The following KY variants were observed in gnomAD, a reference collection of about 807,000 sequenced individuals.
KY encodes the protein kyphoscoliosis peptidase.
Under a neutral mutation model 76.1 loss-of-function variants are expected in KY, and 43 were observed. The ratio of observed to expected loss-of-function variants is 0.57; its 90% CI spans 0.44 to 0.73. KY has a LOEUF of 0.73. KY is among the 30% of genes least tolerant of loss of function. The probability of loss-of-function intolerance (pLI) is 0.00; values close to 1 mark genes in which losing one functional copy is unlikely to be tolerated. For synonymous variants in KY, 277 were observed against 326.2 expected (o/e 0.85, Z 1.63); for missense variants, 722 against 828.9 (o/e 0.87, Z 1.58).
intron 1 of KY, among the ~76,000 whole-genome samples, chr3:134,649,466 T>C (rs1966824756): frequency 6.6e-6 from 1 of 152,234 alleles, no homozygotes; most frequent in South Asian, 2.1e-4. Context: ...GGAGAAGGCA[T>C]TCTGGACTGT....
intron 10 of KY, among the ~76,000 whole-genome samples, chr3:134,605,882 G>T (rs901964200): frequency 6.6e-6 from 1 of 152,134 alleles, no homozygotes; most frequent in Admixed American, 6.6e-5. Context: ...TCTGAGCACT[G>T]CTTAACTCCA....
chr3:134,609,979 G>T (rs756053908), intron 9 of KY, among the ~76,000 whole-genome samples: 1 of 152,156 alleles, frequency 6.6e-6, no homozygotes, highest in Non-Finnish European at 1.5e-5. Context: ...AGTCAGAGTG[G>T]GGAGTTTGTC....
At chr3:134,622,936 G>T (rs1962888754) in intron 6 of KY, among the ~76,000 whole-genome samples, 1 of 152,160 alleles carries the variant, frequency 6.6e-6, no homozygotes, top group African/African-American at 2.4e-5. Context: ...CACTGGCCCA[G>T]CACACTGGCA....
intron 2 of KY, 44 bp from the exon 3 acceptor site, chr3:134,643,422 T>A: frequency 1.9e-6 from 3 of 1,552,302 alleles, no homozygotes; most frequent in Non-Finnish European, 2.7e-6. Context: ...CACTGGGGAA[T>A]TTTCCCCAGG....
chr3:134,607,097 A>G (rs983377408), intron 10 of KY: 8 of 985,290 alleles, frequency 8.1e-6, no homozygotes, highest in Admixed American at 6.2e-5. Context: ...ACTCCACTCA[A>G]TGACATCAGT....
At chr3:134,633,380 A>G (rs1051000713) in intron 3 of KY, among the ~76,000 whole-genome samples, 2 of 152,096 alleles carry the variant, frequency 1.3e-5, no homozygotes, top group African/African-American at 2.4e-5. Context: ...AAATCCAACA[A>G]TATAGTAAAA....
chr3:134,608,302 G>A, intron 10 of KY: 1 of 1,230,516 alleles, frequency 8.1e-7, no homozygotes, highest in East Asian at 5.1e-5. Context: ...GACTCACCCA[G>A]CTAGGAAGTG....
rs778376964 is a variant in KY at position 134,603,808 on chromosome 3, G to C, written c.1757C>G (p.Ser586Ter). The C allele has an allele frequency of 1.9e-6, 3 of 1,613,748 alleles. No homozygotes were observed. The East Asian group carries it at 6.7e-5, about 36-fold the overall frequency. ...GQDNELLEPL[S>*]GVLPANRNVP... is the part of the protein sequence containing the mutation. ...ATTCCGGTTGGCAGGAAGCACACCT[G>C]ACAGAGGTTCCAGCAGCTCATTGTC... The change falls in exon 11 of 11, where the codon TCA (serine) becomes TGA (stop). Residue 586 changes from serine to a stop codon, truncating the protein, a stop_gained. Transcript: ENST00000423778. LOFTEE classifies it high-confidence loss of function.
chr3:134,647,393 A>G, intron 2 of KY, 42 bp downstream of exon 2: 2 of 1,389,310 alleles, frequency 1.4e-6, no homozygotes, highest in East Asian at 2.3e-5. Flanking sequence ...TTATTATTCA[A>G]TGTATTAAAT....
chr3:134,611,989 G>A (rs972081941), intron 8 of KY, among the ~76,000 whole-genome samples: 1 of 152,228 alleles, frequency 6.6e-6, no homozygotes, highest in Non-Finnish European at 1.5e-5. Context: ...TGTCCTGAGG[G>A]TTAACAGATT....
intron 4 of KY, among the ~76,000 whole-genome samples, chr3:134,628,743 G>A (rs1023575681): frequency 2.0e-5 from 3 of 152,082 alleles, no homozygotes; most frequent in Admixed American, 1.3e-4. Flanking sequence ...AGGCAGATTC[G>A]CTTATTTTCC....
chr3:134,604,597 C>T (rs139830030), intron 10 of KY, 123 bp from the exon 11 acceptor site: 195 of 802,530 alleles, frequency 2.4e-4, no homozygotes, highest in Admixed American at 6.6e-4. Flanking sequence ...TCTATTTCCA[C>T]GGTGTTAATA....
chr3:134,621,841 TA>T (rs1190160698), intron 6 of KY, among the ~76,000 whole-genome samples: 1 of 152,022 alleles, frequency 6.6e-6, no homozygotes, highest in Non-Finnish European at 1.5e-5. Context: ...ATATCCAGAA[TA>T]TAAAAAGAAC....
intron 4 of KY, among the ~76,000 whole-genome samples, chr3:134,629,040 T>G (rs541087425): frequency 1.3e-5 from 2 of 152,334 alleles, no homozygotes; most frequent in Middle Eastern, 3.4e-3. Flanking sequence ...GGTGCACAGA[T>G]GCAGGGAGAG....
At chr3:134,609,750 A>G (rs1405715201) in intron 9 of KY, among the ~76,000 whole-genome samples, 1 of 152,144 alleles carries the variant, frequency 6.6e-6, no homozygotes, top group African/African-American at 2.4e-5. Flanking sequence ...CAGAAATGTG[A>G]TACGGTCTCA....
At chr3:134,643,208 C>A in intron 3 of KY, 108 bp downstream of exon 3, 3 of 1,027,884 alleles carry the variant, frequency 2.9e-6, no homozygotes, top group South Asian at 1.5e-5. Context: ...GCAGAGAGGA[C>A]CCTGCTCCCC....
chr3:134,650,340 A>G (rs772355166), intron 1 of KY, among the ~76,000 whole-genome samples: 18 of 152,164 alleles, frequency 1.2e-4, no homozygotes, highest in Admixed American at 4.6e-4. Context: ...TCAAGAAAGG[A>G]GAAACTGAGG....
At chr3:134,606,140 C>A (rs151142262) in intron 10 of KY, among the ~76,000 whole-genome samples, 1 of 152,172 alleles carries the variant, frequency 6.6e-6, no homozygotes, top group South Asian at 2.1e-4. Flanking sequence ...TCACTGCTCA[C>A]GGCCCCTGGT....
chr3:134,648,869 T>C (rs536772443), intron 1 of KY, among the ~76,000 whole-genome samples: 1 of 152,248 alleles, frequency 6.6e-6, no homozygotes, highest in African/African-American at 2.4e-5. Flanking sequence ...GAAGATCCAC[T>C]CTCCAGTGGA....
Sources: allele counts gnomAD v4.1 joint callset (sites outside exome capture counted in the v4.1 genomes callset), GRCh38; gene constraint gnomAD v4.1.1; transcripts MANE v1.5; gene names NCBI Gene and HGNC (gene_info 2026-07-23, HGNC 2026-07-21).